ABCC9: variants seen among roughly 807,000 people sequenced by gnomAD.
ABCC9 encodes the protein ATP-binding cassette sub-family C member 9.
A neutral mutation model predicts 188.3 loss-of-function variants in ABCC9; 95 were observed. The ratio of observed to expected loss-of-function variants is 0.50; its 90% CI spans 0.43 to 0.60. The LOEUF is 0.60. Ranked by LOEUF, ABCC9 falls within the 20% of genes least tolerant of loss-of-function variation. The pLI, the probability that ABCC9 is intolerant of heterozygous loss-of-function variation, is 0.00. For missense variants in ABCC9, 1,102 were observed against 1,876.3 expected, an observed-to-expected ratio of 0.59 and a Z score of 7.62; for synonymous variants, 659 against 652.7, an observed-to-expected ratio of 1.01 and a Z score of -0.15.
intron 13 of ABCC9, 36 bp downstream of exon 13, chr12:21,895,239 T>G (rs750904666): frequency 2.3e-5 from 36 of 1,578,332 alleles, no homozygotes; most frequent in Non-Finnish European, 3.0e-5. Context: ...AACACTGACT[T>G]GGTTTCATTT....
At chr12:21,898,140 A>G (rs773735819) in intron 12 of ABCC9, among the ~76,000 whole-genome samples, 5 of 152,320 alleles carry the variant, frequency 3.3e-5, no homozygotes, top group Middle Eastern at 6.8e-3. Flanking sequence ...CCTGGGTGAT[A>G]GAGTGAGACC....
chr12:21,868,624 G>A (rs1945904619), intron 18 of ABCC9, among the ~76,000 whole-genome samples: 2 of 152,148 alleles, frequency 1.3e-5, no homozygotes, highest in African/African-American at 4.8e-5. Context: ...GGGCAACAGA[G>A]TGAGACTCTG....
At chr12:21,847,007 C>G (rs983293535) in intron 25 of ABCC9, among the ~76,000 whole-genome samples, 1 of 151,870 alleles carries the variant, frequency 6.6e-6, no homozygotes, top group Non-Finnish European at 1.5e-5. Context: ...AAGGAAGTAC[C>G]CTCTACTTCT....
intron 33 of ABCC9, among the ~76,000 whole-genome samples, chr12:21,816,410 T>C (rs1942650976): frequency 6.6e-6 from 1 of 152,140 alleles, no homozygotes. Flanking sequence ...GGCCCCATGA[T>C]GAAGGCAAAC....
rs1450616892 is a variant in ABCC9 at position 21,829,241 on chromosome 12, GC to G, written c.3567-182del. Among the ~76,000 whole-genome samples the G allele has an allele frequency of 4.7e-5, 5 of 107,526 alleles. No individual in the cohort carries two copies. The Admixed American group carries it at 7.6e-4, about 16-fold the overall frequency. The allele number at this position is 107,526 out of a possible 152,430, so 70.5% of individuals were successfully genotyped here. A position where few individuals can be genotyped will look rare whatever the true frequency, so the allele number is the denominator to read the frequency against. Reference sequence around the variant, plus strand: ...TTTTCAGATGGAGTCTCGCTCTGTTGCCCAGGCTGGAGTGCAGTGGCGCGAT... The same window carrying G: ...TTTTCAGATGGAGTCTCGCTCTGTTGCCAGGCTGGAGTGCAGTGGCGCGAT... On this transcript the variant is annotated intron_variant, in intron 30 of 39. Coordinates refer to ENST00000261200, the MANE Select transcript of ABCC9 (RefSeq NM_020297.4).
chr12:21,846,945 T>C (rs559345200), intron 25 of ABCC9, among the ~76,000 whole-genome samples: 7 of 150,932 alleles, frequency 4.6e-5, no homozygotes, highest in African/African-American at 1.7e-4. Flanking sequence ...ACTCCAAGTC[T>C]CTTAAGACTT....
At chr12:21,938,276 G>T (rs1949571416) in intron 2 of ABCC9, among the ~76,000 whole-genome samples, 1 of 151,990 alleles carries the variant, frequency 6.6e-6, no homozygotes, top group South Asian at 2.1e-4. Context: ...ATAAATAGTT[G>T]ATATGCTCTC....
intron 25 of ABCC9, among the ~76,000 whole-genome samples, chr12:21,847,794 A>G (rs1039670817): frequency 6.6e-6 from 1 of 152,158 alleles, no homozygotes; most frequent in Non-Finnish European, 1.5e-5. Context: ...CCCCTTTATT[A>G]CTTATTTCTG....
At chr12:21,822,917 G>T (rs982605012) in intron 31 of ABCC9, among the ~76,000 whole-genome samples, 1 of 151,822 alleles carries the variant, frequency 6.6e-6, no homozygotes, top group Non-Finnish European at 1.5e-5. Context: ...TTGCAAATAC[G>T]TGAGAAGCAA....
At chr12:21,893,496 C>T (rs1286620763) in intron 14 of ABCC9, among the ~76,000 whole-genome samples, 1 of 152,114 alleles carries the variant, frequency 6.6e-6, no homozygotes, top group Non-Finnish European at 1.5e-5. Context: ...TGTGTGCCCT[C>T]TTTGACCTAC....
chr12:21,915,382 A>ATACAT (rs1565480887), intron 7 of ABCC9, among the ~76,000 whole-genome samples: 21 of 139,072 alleles, frequency 1.5e-4, no homozygotes, highest in Middle Eastern at 8.5e-3. Flanking sequence ...GTGTATATAT[A>ATACAT]GACATGTGTA....
intron 30 of ABCC9, among the ~76,000 whole-genome samples, chr12:21,830,065 A>C (rs1389602769): frequency 6.6e-6 from 1 of 152,124 alleles, no homozygotes; most frequent in Non-Finnish European, 1.5e-5. Context: ...GTTCTATGAT[A>C]TATATCGTTT....
intron 29 of ABCC9, among the ~76,000 whole-genome samples, chr12:21,841,189 G>C (rs1369244067): frequency 6.6e-6 from 1 of 152,010 alleles, no homozygotes; most frequent in Non-Finnish European, 1.5e-5. Flanking sequence ...ATATAGCGGG[G>C]TTTCAAAGTT....
chr12:21,889,144 G>A (rs764299284), intron 14 of ABCC9, among the ~76,000 whole-genome samples: 4 of 152,036 alleles, frequency 2.6e-5, no homozygotes, highest in Non-Finnish European at 5.9e-5. Flanking sequence ...TAAGTGTTTT[G>A]GCTTTGCATG....
rs1470456973 is a variant in ABCC9 at position 21,910,841 on chromosome 12, G to A, written c.1149C>T (p.Leu383=). The A allele has an allele frequency of 4.3e-6, 7 of 1,612,124 alleles. No individual in the cohort carries two copies. The South Asian group carries it at 6.6e-5, about 15-fold the overall frequency. The change falls in exon 9 of 40, where the codon CTC becomes CTT. Residue 383 remains leucine (L), a synonymous_variant. Coordinates refer to ENST00000261200, the MANE Select transcript of ABCC9 (RefSeq NM_020297.4). ...CTTTACATACCAGCAGAGCTCCACGGAGGTTAATGCCAGTCTCTATGGTTA... is the reference window on the plus strand; with the variant it reads ...CTTTACATACCAGCAGAGCTCCACGAAGGTTAATGCCAGTCTCTATGGTTA... ...YYVTIETGIN[L]RGALLAMIYN...
intron 31 of ABCC9, among the ~76,000 whole-genome samples, chr12:21,819,986 A>T (rs758925599): frequency 1.3e-5 from 2 of 152,130 alleles, no homozygotes; most frequent in Admixed American, 6.6e-5. Flanking sequence ...AATTAACTAC[A>T]TGGATGCAGA....
chr12:21,882,490 C>T (rs747393761), intron 16 of ABCC9, among the ~76,000 whole-genome samples: 2 of 151,996 alleles, frequency 1.3e-5, no homozygotes, highest in African/African-American at 4.8e-5. Context: ...ATAGGAATAC[C>T]AGAAAAAATA....
intron 30 of ABCC9, 85 bp from the exon 31 acceptor site, chr12:21,829,145 A>T: frequency 1.2e-6 from 1 of 865,112 alleles, no homozygotes; most frequent in Non-Finnish European, 1.9e-6. Flanking sequence ...CTATTTACTC[A>T]ACACAGTGAC....
At chr12:21,893,939 A>T in intron 14 of ABCC9, 93 bp downstream of exon 14, 1 of 1,299,210 alleles carries the variant, frequency 7.7e-7, no homozygotes, top group Non-Finnish European at 1.1e-6. Context: ...CAGTGATTTT[A>T]ATGTTCTTTT....
Sources: allele counts gnomAD v4.1 joint callset (sites outside exome capture counted in the v4.1 genomes callset), GRCh38; gene constraint gnomAD v4.1.1; transcripts MANE v1.5; gene names NCBI Gene and HGNC (gene_info 2026-07-23, HGNC 2026-07-21).